The following GABRA5 variants were observed in gnomAD, a reference collection of about 807,000 sequenced individuals.
GABRA5 encodes the protein gamma-aminobutyric acid type A receptor subunit alpha5, also known as gamma-aminobutyric acid receptor subunit alpha-5.
GABRA5 carries 18 observed loss-of-function variants against 47.3 expected under a neutral mutation model. That is an observed-to-expected ratio of 0.38 (90% CI 0.26 to 0.56). GABRA5 has a LOEUF of 0.56. Ranked by LOEUF, GABRA5 falls within the 20% of genes least tolerant of loss-of-function variation. The pLI is 0.71. For missense variants in GABRA5, 365 were observed against 599.3 expected (o/e 0.61, Z 4.08); for synonymous variants, 237 against 229.3 (o/e 1.03, Z -0.30).
intron 8 of GABRA5, among the ~76,000 whole-genome samples, chr15:26,938,853 A>T (rs1439762029): frequency 1.3e-5 from 2 of 152,198 alleles, no homozygotes; most frequent in Admixed American, 1.3e-4. Flanking sequence ...CCATGTTTTG[A>T]GTTGGCACTC....
intron 7 of GABRA5, among the ~76,000 whole-genome samples, chr15:26,918,838 C>T (rs1893775816): frequency 6.6e-6 from 1 of 152,042 alleles, no homozygotes; most frequent in Non-Finnish European, 1.5e-5. Flanking sequence ...CTATGTGTGT[C>T]CTTAAATCTA....
chr15:26,873,739 G>A (rs913289928), intron 3 of GABRA5, among the ~76,000 whole-genome samples: 29 of 152,128 alleles, frequency 1.9e-4, no homozygotes, highest in African/African-American at 6.5e-4. Flanking sequence ...CCATAGCTGC[G>A]GGTTCATGAG....
In GABRA5 at chr15:26,930,895, C is replaced by CTTT. The variant is rs555799476; in HGVS notation, c.581-6274_581-6272dup. 4.3e-3 allele frequency among the ~76,000 whole-genome samples: 489 copies of CTTT among 115,012 alleles called. 6 individuals are homozygous for CTTT. The highest frequency in any genetic ancestry group is 0.016 in the African/African-American group (465 of 29,314). 75.5% of individuals were successfully genotyped at this position (115,012 alleles called of 152,430 possible). ...TCTTTTTTCTTTCTTTCTTTCTTTTCTTTTTTTTTTTTTTTTTTGAGACAG... is the reference window on the plus strand; with the variant it reads ...TCTTTTTTCTTTCTTTCTTTCTTTTCTTTTTTTTTTTTTTTTTTTTTGAGACAG... On this transcript the variant is annotated intron_variant, in intron 7 of 10. Transcript: ENST00000335625.
intron 3 of GABRA5, among the ~76,000 whole-genome samples, chr15:26,876,427 G>C (rs1056664997): frequency 2.6e-5 from 4 of 152,200 alleles, no homozygotes; most frequent in Non-Finnish European, 4.4e-5. Context: ...GGTAAGAGAG[G>C]CAGCAGGACT....
chr15:26,882,797 T>G (rs1892765745), intron 4 of GABRA5, among the ~76,000 whole-genome samples: 1 of 152,108 alleles, frequency 6.6e-6, no homozygotes, highest in Admixed American at 6.6e-5. Context: ...GGCGACGGCG[T>G]GGCCCTGAGC....
intron 6 of GABRA5, among the ~76,000 whole-genome samples, chr15:26,887,022 C>T (rs1566867688): frequency 6.6e-6 from 1 of 152,176 alleles, no homozygotes; most frequent in Non-Finnish European, 1.5e-5. Flanking sequence ...TGGTTGAGCA[C>T]TTCAGTGCCA....
intron 7 of GABRA5, among the ~76,000 whole-genome samples, chr15:26,926,326 G>T (rs1877093333): frequency 6.6e-6 from 1 of 152,094 alleles, no homozygotes; most frequent in South Asian, 2.1e-4. Context: ...TTGATTTCAA[G>T]AATTTCATTT....
intron 6 of GABRA5, among the ~76,000 whole-genome samples, chr15:26,885,190 T>G (rs904190916): frequency 3.3e-5 from 5 of 151,922 alleles, no homozygotes; most frequent in African/African-American, 1.2e-4. Flanking sequence ...TCCCAGCTAC[T>G]TGGGAGGCTG....
intron 10 of GABRA5, among the ~76,000 whole-genome samples, chr15:26,946,059 C>T (rs899910513): frequency 2.6e-5 from 4 of 152,160 alleles, no homozygotes; most frequent in East Asian, 1.9e-4. Flanking sequence ...CTCAAGCTCC[C>T]GCACGGTTTC....
chr15:26,887,790 A>C (rs1892915003), intron 6 of GABRA5, among the ~76,000 whole-genome samples: 1 of 152,088 alleles, frequency 6.6e-6, no homozygotes, highest in Admixed American at 6.6e-5. Context: ...TTTTTAATCG[A>C]CCCATAATAA....
chr15:26,877,614 C>T (rs1428063017), intron 3 of GABRA5: 2 of 453,124 alleles, frequency 4.4e-6, no homozygotes, highest in African/African-American at 2.0e-5. Context: ...CACACACTGC[C>T]TTCACTAGCA....
chr15:26,869,278 C>T lies in GABRA5; in HGVS notation c.30C>T (p.Ile10=), dbSNP rs747290038. 22 of 1,608,016 alleles carry T rather than the reference C, an allele frequency of 1.4e-5. No individual in the cohort carries two copies. The highest frequency in any genetic ancestry group is 1.8e-5 in the Non-Finnish European group (21 of 1,174,554). MDNGMFSGF[I]MIKNLLLFCI... is the part of the protein sequence containing the mutation. ...ACAATGGAATGTTCTCTGGTTTTAT[C>T]ATGATCAAAAACCTCCTTCTCTTTT... Residue 10 remains isoleucine, a synonymous_variant, in exon 3 of 11, where the codon ATC becomes ATT. Transcript: ENST00000335625.
At position 26,875,745 on chromosome 15, in the gene GABRA5, C is replaced by T. The variant is rs79017017; in HGVS notation, c.87-5101C>T. On this transcript the variant is annotated intron_variant, in intron 3 of 10. Transcript: ENST00000335625. Reference sequence around the variant, plus strand: ...AAGGGCTGGGGTTGGGATCACATTCCGAAAGTGCTATAGGCCATGCAGGGG... The same window carrying T: ...AAGGGCTGGGGTTGGGATCACATTCTGAAAGTGCTATAGGCCATGCAGGGG... Among the ~76,000 whole-genome samples the T allele has an allele frequency of 5.5e-3, 837 of 152,034 alleles. 12 individuals are homozygous for T. The East Asian group carries it at 0.056, about 10-fold the overall frequency.
At chr15:26,914,714 C>T in intron 6 of GABRA5, 89 bp from the exon 7 acceptor site, 1 of 963,536 alleles carries the variant, frequency 1.0e-6, no homozygotes. Flanking sequence ...TTTAAAAGTA[C>T]TTAATATGGC....
Position 26,883,187 on chromosome 15 carries a change from C to T in GABRA5, c.230C>T (p.Thr77Ile). The stretch of plus-strand genomic sequence containing the variant: ...TCAGAGCGCATCACTCAGGTGAGGA[C>T]CGACATCTACGTCACCAGCTTCGGC... ...GLGERITQVR[T>I]DIYVTSFGPV... Residue 77 changes from threonine (T) to isoleucine (I), a missense_variant, in exon 5 of 11, where the codon ACC (threonine) becomes ATC (isoleucine). Transcript: ENST00000335625. The surrounding 1 kb of genome is among the most constrained non-coding windows in gnomAD (Gnocchi z 4.8). The T allele has an allele frequency of 6.2e-7, 1 of 1,613,902 alleles. No individual in the cohort carries two copies. The highest frequency in any genetic ancestry group is 8.5e-7 in the Non-Finnish European group (1 of 1,179,854).
intron 9 of GABRA5, among the ~76,000 whole-genome samples, chr15:26,941,241 T>G (rs1349243879): frequency 6.6e-6 from 1 of 152,148 alleles, no homozygotes; most frequent in Non-Finnish European, 1.5e-5. Flanking sequence ...TGATGAACTC[T>G]TTAGGGGAAA....
At chr15:26,870,694 C>T (rs1176086054) in intron 3 of GABRA5, among the ~76,000 whole-genome samples, 1 of 152,112 alleles carries the variant, frequency 6.6e-6, no homozygotes, top group Non-Finnish European at 1.5e-5. Context: ...TTTACAAGTT[C>T]TCTGCAGCTG....
chr15:26,877,755 T>C, intron 3 of GABRA5: 1 of 447,734 alleles, frequency 2.2e-6, no homozygotes, highest in South Asian at 1.6e-5. Context: ...ACATGTTTTG[T>C]AGAGAATATG....
chr15:26,875,798 T>C (rs766343374), intron 3 of GABRA5, among the ~76,000 whole-genome samples: 27 of 152,234 alleles, frequency 1.8e-4, no homozygotes, highest in African/African-American at 6.5e-4. Flanking sequence ...TTGACTTTTA[T>C]CTGGAAGGGC....
Sources: gnomAD v4.1 joint callset for allele counts (sites outside exome capture counted in the v4.1 genomes callset) on GRCh38, gnomAD v4.1.1 for gene constraint, Gnocchi (gnomAD v3.1) non-coding constraint, MANE v1.5 for transcripts, NCBI Gene and HGNC (gene_info 2026-07-23, HGNC 2026-07-21) for gene names.